Variants in CRPPA observed in about 807,000 individuals in gnomAD.
CRPPA encodes the protein D-ribitol-5-phosphate cytidylyltransferase.
Under a neutral mutation model 52.0 loss-of-function variants are expected in CRPPA, and 43 were observed. The observed-to-expected ratio is 0.83, with a 90% confidence interval of 0.65 to 1.07. CRPPA has a LOEUF of 1.07. Ranked by LOEUF, CRPPA falls within the 50% of genes least tolerant of loss-of-function variation. CRPPA has a pLI of 0.00. For synonymous variants in CRPPA, 250 were observed against 203.5 expected (o/e 1.23, Z -1.94); for missense variants, 629 against 551.7 (o/e 1.14, Z -1.40).
rs1236689907 is a variant in CRPPA at position 16,372,493 on chromosome 7, A to C, written c.684+3599T>G. Among the ~76,000 whole-genome samples the C allele has an allele frequency of 2.0e-5, 3 of 152,150 alleles. No individual in the cohort carries two copies. The East Asian group carries it at 5.8e-4, about 29-fold the overall frequency. On this transcript the variant is annotated intron_variant, in intron 3 of 9. Transcript: ENST00000407010. ...GATAAAATCTTTTTCACACAAACAA[A>C]TGCTGAGAAAATTTGCCACTACCAA... is the stretch of plus-strand genomic sequence containing the variant.
At chr7:16,130,069 A>C (rs1303909853) in intron 9 of CRPPA, among the ~76,000 whole-genome samples, 1 of 152,146 alleles carries the variant, frequency 6.6e-6, no homozygotes, top group Non-Finnish European at 1.5e-5. Flanking sequence ...CATGCCTATC[A>C]CACCCCTCAA....
chr7:16,400,471 C>G (rs1255178498), intron 2 of CRPPA, among the ~76,000 whole-genome samples: 1 of 152,200 alleles, frequency 6.6e-6, no homozygotes, highest in East Asian at 1.9e-4. Flanking sequence ...ATGACCGACA[C>G]CTGATTGACC....
At chr7:16,143,643 T>C (rs1188205666) in intron 9 of CRPPA, among the ~76,000 whole-genome samples, 1 of 152,176 alleles carries the variant, frequency 6.6e-6, no homozygotes, top group Non-Finnish European at 1.5e-5. Context: ...TAGTTATGTA[T>C]AAAGCACTAG....
At chr7:16,307,060 G>C (rs1784928023) in intron 4 of CRPPA, among the ~76,000 whole-genome samples, 1 of 152,072 alleles carries the variant, frequency 6.6e-6, no homozygotes, top group South Asian at 2.1e-4. Flanking sequence ...TCAACTTACA[G>C]GGCTTTCTGT....
At chr7:16,234,447 T>A (rs923182080) in intron 8 of CRPPA, among the ~76,000 whole-genome samples, 8 of 151,894 alleles carry the variant, frequency 5.3e-5, no homozygotes, top group Non-Finnish European at 1.0e-4. Context: ...ATAAAAAACG[T>A]TTTTCTAAAA....
intron 1 of CRPPA, among the ~76,000 whole-genome samples, chr7:16,412,238 T>C (rs1052764773): frequency 1.3e-5 from 2 of 152,208 alleles, no homozygotes; most frequent in African/African-American, 4.8e-5. Flanking sequence ...CGGGTCCCAT[T>C]AGAGTGTCAT....
chr7:16,266,205 G>C (rs1783948876), intron 6 of CRPPA: 1 of 152,192 alleles, frequency 6.6e-6, no homozygotes, highest in Admixed American at 6.5e-5. Flanking sequence ...TTTAAGAAGT[G>C]TCCTCCAATT....
intron 8 of CRPPA, among the ~76,000 whole-genome samples, chr7:16,237,996 A>T (rs919773019): frequency 6.6e-6 from 1 of 152,210 alleles, no homozygotes; most frequent in Non-Finnish European, 1.5e-5. Flanking sequence ...ACACCTAGCT[A>T]AATTTCTCAA....
intron 2 of CRPPA, among the ~76,000 whole-genome samples, chr7:16,394,116 T>C (rs1249643420): frequency 6.6e-6 from 1 of 152,118 alleles, no homozygotes; most frequent in Non-Finnish European, 1.5e-5. Context: ...TAATTTGGCA[T>C]CATCTAGTAA....
intron 6 of CRPPA, chr7:16,276,467 A>C (rs1317856860): frequency 2.0e-5 from 3 of 152,242 alleles, no homozygotes; most frequent in Admixed American, 2.0e-4. Context: ...ACACTTGACC[A>C]AAACACTTTA....
At chr7:16,369,510 A>G (rs1307363012) in intron 3 of CRPPA, among the ~76,000 whole-genome samples, 1 of 152,212 alleles carries the variant, frequency 6.6e-6, no homozygotes, top group Non-Finnish European at 1.5e-5. Flanking sequence ...TAAAACAGGT[A>G]CTGAGTATAA....
At chr7:16,392,335 T>A (rs924201228) in intron 2 of CRPPA, among the ~76,000 whole-genome samples, 3 of 152,108 alleles carry the variant, frequency 2.0e-5, no homozygotes, top group Non-Finnish European at 4.4e-5. Context: ...GAATATTATA[T>A]CATCACCCAT....
At chr7:16,214,577 C>T (rs1039803805) in intron 9 of CRPPA, among the ~76,000 whole-genome samples, 2 of 152,088 alleles carry the variant, frequency 1.3e-5, no homozygotes, top group African/African-American at 4.8e-5. Context: ...CTGCTCACTG[C>T]AACCTCCGCC....
intron 9 of CRPPA, among the ~76,000 whole-genome samples, chr7:16,200,050 A>C (rs1430927527): frequency 2.6e-5 from 4 of 151,536 alleles, no homozygotes; most frequent in Non-Finnish European, 5.9e-5. Flanking sequence ...TAGAGATGGG[A>C]TTTTACCATG....
At chr7:16,389,555 C>A (rs1787382199) in intron 2 of CRPPA, among the ~76,000 whole-genome samples, 1 of 152,122 alleles carries the variant, frequency 6.6e-6, no homozygotes, top group African/African-American at 2.4e-5. Flanking sequence ...AAATCCAACA[C>A]CCCTTTGTGA....
chr7:16,399,167 C>T (rs1787715750), intron 2 of CRPPA, among the ~76,000 whole-genome samples: 1 of 152,192 alleles, frequency 6.6e-6, no homozygotes, highest in South Asian at 2.1e-4. Context: ...GACACATGAA[C>T]ACGTGACATG....
At chr7:16,172,317 G>A (rs1452222014) in intron 9 of CRPPA, among the ~76,000 whole-genome samples, 2 of 152,156 alleles carry the variant, frequency 1.3e-5, no homozygotes, top group Non-Finnish European at 2.9e-5. Flanking sequence ...AGCTGCTGGG[G>A]TGGGCTCCAT....
rs1781823455 is a variant in CRPPA, at chr7:16,090,848, T to G, written c.*847A>C. On this transcript the variant is annotated 3_prime_UTR_variant, in exon 10 of 10. Transcript: ENST00000407010. ...TTAATATTTCAGATGTATATACCAA[T>G]GAAAACTGGAAATAAGAACTTGATT... The G allele has an allele frequency of 6.6e-6, 1 of 152,178 alleles. No individual in the cohort carries two copies. Among genetic ancestry groups the G allele is most frequent in the South Asian group, 2.1e-4 (1 of 4,836 alleles). 9.4% of individuals were successfully genotyped at this position (152,178 alleles called of 1,614,324 possible).
At chr7:16,224,572 A>C (rs1247018293) in intron 8 of CRPPA, among the ~76,000 whole-genome samples, 2 of 152,200 alleles carry the variant, frequency 1.3e-5, no homozygotes, top group East Asian at 3.9e-4. Context: ...TATGAGTTAG[A>C]AAGAATTGGT....
Sources: gnomAD v4.1 joint callset for allele counts (sites outside exome capture counted in the v4.1 genomes callset) on GRCh38, gnomAD v4.1.1 for gene constraint, MANE v1.5 for transcripts, NCBI Gene and HGNC (gene_info 2026-07-23, HGNC 2026-07-21) for gene names.